The following HS3ST3B1 variants were observed in gnomAD, a reference collection of about 807,000 sequenced individuals.
HS3ST3B1 encodes heparan sulfate-glucosamine 3-sulfotransferase 3B1.
Under a neutral mutation model 21.3 loss-of-function variants are expected in HS3ST3B1, and 13 were observed. The ratio of observed to expected loss-of-function variants is 0.61; its 90% confidence interval spans 0.40 to 0.97. HS3ST3B1 has a LOEUF of 0.97. Ranked by LOEUF, HS3ST3B1 falls within the 50% of genes least tolerant of loss-of-function variation. The pLI, the probability that HS3ST3B1 is intolerant of heterozygous loss-of-function variation, is 0.00. For missense variants in HS3ST3B1, 459 were observed against 554.8 expected (o/e 0.83, Z 1.73); for synonymous variants, 234 against 254.8 (o/e 0.92, Z 0.78).
intron 1 of HS3ST3B1, among the ~76,000 whole-genome samples, chr17:14,310,029 C>G (rs1909257384): frequency 6.6e-6 from 1 of 152,218 alleles, no homozygotes; most frequent in Non-Finnish European, 1.5e-5. Flanking sequence ...AATCCTCTTT[C>G]CACCCACTTC....
intron 1 of HS3ST3B1, among the ~76,000 whole-genome samples, chr17:14,319,760 A>G (rs372995107): frequency 2.6e-5 from 4 of 152,220 alleles, no homozygotes; most frequent in Admixed American, 6.5e-5. Flanking sequence ...AAGGGACACT[A>G]TAGGCTGGAA....
chr17:14,321,699 C>T (rs1344581644), intron 1 of HS3ST3B1, among the ~76,000 whole-genome samples: 5 of 60,926 alleles, frequency 8.2e-5, no homozygotes, highest in Middle Eastern at 0.01. Context: ...ACACTGATGG[C>T]GGTTGAAAAA....
chr17:14,302,160 G>C, intron 1 of HS3ST3B1, 88 bp downstream of exon 1: 1 of 1,445,016 alleles, frequency 6.9e-7, no homozygotes. Flanking sequence ...GAATTGGCAG[G>C]GTTACAGCTT....
chr17:14,305,824 G>C (rs1191950598), intron 1 of HS3ST3B1, among the ~76,000 whole-genome samples: 5 of 152,128 alleles, frequency 3.3e-5, no homozygotes, highest in Admixed American at 3.3e-4. Flanking sequence ...TCCAGGCACT[G>C]TTTCAAGTTT....
At chr17:14,329,006 C>A (rs1279172409) in intron 1 of HS3ST3B1, 1 of 151,932 alleles carries the variant, frequency 6.6e-6, no homozygotes, top group Non-Finnish European at 1.5e-5. Context: ...ACTTAGTTAC[C>A]TTATACTGTT....
chr17:14,343,226 A>C (rs1910443911), intron 1 of HS3ST3B1, among the ~76,000 whole-genome samples: 1 of 151,350 alleles, frequency 6.6e-6, no homozygotes, highest in African/African-American at 2.4e-5. Flanking sequence ...TGGGTGACAG[A>C]GCGAGACTCT....
chr17:14,304,401 T>A (rs1438895484), intron 1 of HS3ST3B1: 2 of 152,258 alleles, frequency 1.3e-5, no homozygotes, highest in Non-Finnish European at 2.9e-5. Context: ...TTGGTGGATA[T>A]TTTCCAAGGG....
intron 1 of HS3ST3B1, among the ~76,000 whole-genome samples, chr17:14,314,014 T>C (rs1425480728): frequency 2.6e-5 from 4 of 151,390 alleles, no homozygotes; most frequent in Non-Finnish European, 5.9e-5. Context: ...AGTTTTGCTC[T>C]TGTTGCCCAG....
intron 1 of HS3ST3B1, among the ~76,000 whole-genome samples, chr17:14,332,158 C>G (rs928849818): frequency 2.0e-5 from 3 of 151,942 alleles, no homozygotes; most frequent in African/African-American, 7.3e-5. Flanking sequence ...CTTTTTGACC[C>G]CTGAGGTTCC....
At chr17:14,343,551 T>A (rs1310688221) in intron 1 of HS3ST3B1, among the ~76,000 whole-genome samples, 2 of 152,214 alleles carry the variant, frequency 1.3e-5, no homozygotes, top group Non-Finnish European at 2.9e-5. Context: ...TGAGATCAAC[T>A]TTTTTAGATT....
chr17:14,340,263 A>G (rs7222344), intron 1 of HS3ST3B1, among the ~76,000 whole-genome samples: 102,085 of 151,940 alleles, frequency 0.67, 36,308 homozygotes, highest in Non-Finnish European at 0.81. Context: ...CTCACCCTTG[A>G]TATCTTATCA....
rs1910560731 is a variant in HS3ST3B1, at chr17:14,346,074, A to G, written c.*428A>G. The G allele has an allele frequency of 1.1e-5, 2 of 178,228 alleles. No individual in the cohort carries two copies. The highest frequency in any genetic ancestry group is 1.6e-4 in the East Asian group (1 of 6,188). The allele number at this position is 178,228 out of a possible 1,614,324, so 11.0% of individuals were successfully genotyped here. On this transcript the variant is annotated 3_prime_UTR_variant, in exon 2 of 2. Coordinates refer to ENST00000360954, the MANE Select transcript of HS3ST3B1 (RefSeq NM_006041.3). Reference sequence around the variant, plus strand: ...CTCGTAGGAACGCTGAGCTGCCTCAACAGGGCTGTATTCTGAAGGGCAGGC... The same window carrying G: ...CTCGTAGGAACGCTGAGCTGCCTCAGCAGGGCTGTATTCTGAAGGGCAGGC...
In HS3ST3B1 at chr17:14,345,379, C is replaced by T. The variant is rs1371402711; in HGVS notation, c.906C>T (p.Ser302=). ...MLFVSGERLI[S]DPAGELGRVQ... ...TCGTGAGCGGCGAGCGGCTCATCAG[C>T]GACCCGGCCGGGGAGCTGGGCCGCG... is the stretch of plus-strand genomic sequence containing the variant. Residue 302 remains serine, a synonymous_variant, in exon 2 of 2, where the codon AGC becomes AGT. Transcript: ENST00000360954. 1 of 1,160,434 alleles carries T rather than the reference C, an allele frequency of 8.6e-7. No individual in the cohort carries two copies. Among genetic ancestry groups the T allele is most frequent in the Non-Finnish European group, 1.2e-6 (1 of 816,530 alleles). The allele number at this position is 1,160,434 out of a possible 1,614,324, so 71.9% of individuals were successfully genotyped here.
intron 1 of HS3ST3B1, among the ~76,000 whole-genome samples, chr17:14,330,307 G>A (rs1280119776): frequency 6.6e-6 from 1 of 152,152 alleles, no homozygotes. Flanking sequence ...TGGTATGTGG[G>A]GAGGGGTGGG....
chr17:14,305,526 T>C (rs1228362965), intron 1 of HS3ST3B1: 2 of 152,270 alleles, frequency 1.3e-5, no homozygotes, highest in East Asian at 3.8e-4. Context: ...TTTGTGATTT[T>C]ACTTAAGTGT....
At chr17:14,324,580 T>A (rs1909750826) in intron 1 of HS3ST3B1, among the ~76,000 whole-genome samples, 1 of 152,136 alleles carries the variant, frequency 6.6e-6, no homozygotes, top group Non-Finnish European at 1.5e-5. Context: ...CATTCAAATC[T>A]ACATATTTCG....
chr17:14,335,475 A>G (rs1384727872), intron 1 of HS3ST3B1, among the ~76,000 whole-genome samples: 1 of 152,204 alleles, frequency 6.6e-6, no homozygotes, highest in African/African-American at 2.4e-5. Flanking sequence ...AGGGTGGATC[A>G]GTTGAGGTCA....
intron 1 of HS3ST3B1, among the ~76,000 whole-genome samples, chr17:14,315,190 A>C (rs1909458489): frequency 6.6e-6 from 1 of 152,144 alleles, no homozygotes; most frequent in African/African-American, 2.4e-5. Context: ...CCCAATGTGT[A>C]CCATAGAAAT....
Position 14,345,822 on chromosome 17 carries a change from C to A in HS3ST3B1, c.*176C>A. On this transcript the variant is annotated 3_prime_UTR_variant, in exon 2 of 2. Coordinates refer to ENST00000360954, the MANE Select transcript of HS3ST3B1 (RefSeq NM_006041.3). Reference sequence around the variant, plus strand: ...GTTAGCTTCATAATCTGTTAACATTCCAAAGTGTTTAACTCTAGTATTTCG... The same window carrying A: ...GTTAGCTTCATAATCTGTTAACATTACAAAGTGTTTAACTCTAGTATTTCG... 3 of 826,470 alleles carry A rather than the reference C, an allele frequency of 3.6e-6. No homozygotes were observed. Among genetic ancestry groups the A allele is most frequent in the Non-Finnish European group, 5.4e-6 (3 of 557,252 alleles). 51.2% of individuals were successfully genotyped at this position (826,470 alleles called of 1,614,324 possible). A position where few individuals can be genotyped will look rare whatever the true frequency, so the allele number is the denominator to read the frequency against.
Sources: allele counts gnomAD v4.1 joint callset (sites outside exome capture counted in the v4.1 genomes callset), GRCh38; gene constraint gnomAD v4.1.1; transcripts MANE v1.5; gene names NCBI Gene and HGNC (gene_info 2026-07-23, HGNC 2026-07-21).